THSD7B: variants seen among roughly 807,000 people sequenced by gnomAD.
THSD7B encodes thrombospondin type 1 domain containing 7B, also known as thrombospondin type-1 domain-containing protein 7B.
Under a neutral mutation model 213.6 loss-of-function variants are expected in THSD7B, and 138 were observed. The observed-to-expected ratio is 0.65, with a 90% CI of 0.56 to 0.74. The LOEUF (loss-of-function observed/expected upper bound fraction) is 0.74. Ranked by LOEUF, THSD7B falls within the 30% of genes least tolerant of loss-of-function variation. The pLI is 0.00. For synonymous variants in THSD7B, 742 were observed against 687.0 expected (o/e 1.08, Z -1.25); for missense variants, 1,931 against 1,991.5 (o/e 0.97, Z 0.58).
chr2:137,646,235 G>A (rs1229584580), intron 21 of THSD7B, among the ~76,000 whole-genome samples: 4 of 152,044 alleles, frequency 2.6e-5, no homozygotes, highest in African/African-American at 7.2e-5. Context: ...CGAGGGCTCC[G>A]CCCTCATGAA....
chr2:136,952,166 CA>C (rs1383148027), intron 2 of THSD7B, among the ~76,000 whole-genome samples: 2 of 149,548 alleles, frequency 1.3e-5, no homozygotes, highest in Non-Finnish European at 2.9e-5. Context: ...CACACCCAGC[CA>C]GTTTTTTTAT....
At chr2:137,232,825 C>T in intron 8 of THSD7B, 74 bp from the exon 9 acceptor site, 1 of 1,390,166 alleles carries the variant, frequency 7.2e-7, no homozygotes. Flanking sequence ...CTCTCTAGAC[C>T]ATTAAAGCAG....
intron 12 of THSD7B, among the ~76,000 whole-genome samples, chr2:137,325,115 T>G (rs1684340312): frequency 6.6e-6 from 1 of 152,262 alleles, no homozygotes; most frequent in Non-Finnish European, 1.5e-5. Context: ...CACAGGTTAA[T>G]AACTCATCTC....
At chr2:137,577,756 G>C (rs1006905022) in intron 17 of THSD7B, among the ~76,000 whole-genome samples, 1 of 152,000 alleles carries the variant, frequency 6.6e-6, no homozygotes, top group African/African-American at 2.4e-5. Context: ...AATGATTAAT[G>C]ACAACAACTA....
At chr2:137,047,745 A>G (rs529738293) in intron 2 of THSD7B, among the ~76,000 whole-genome samples, 1 of 152,316 alleles carries the variant, frequency 6.6e-6, no homozygotes, top group East Asian at 1.9e-4. Context: ...TCTCAAGATT[A>G]GCCTCTGGAA....
chr2:136,977,551 T>G lies in THSD7B; in HGVS notation c.140-78869T>G, dbSNP rs1471024919. On this transcript the variant is annotated intron_variant, in intron 2 of 27. Coordinates refer to ENST00000409968, the MANE Select transcript of THSD7B (RefSeq NM_001316349.2). ...TCTCTAGTTCTTTTAGTTGTGATGT[T>G]AAGGAGGTTGATTTGAGATCTTTCT... Among the ~76,000 whole-genome samples, 5 of 152,266 alleles carry G rather than the reference T, an allele frequency of 3.3e-5. No homozygotes were observed. In the East Asian group the frequency reaches 9.7e-4, roughly 29 times the overall value.
At chr2:137,043,613 AGCAGAG>A (rs1372363613) in intron 2 of THSD7B, among the ~76,000 whole-genome samples, 4 of 152,154 alleles carry the variant, frequency 2.6e-5, no homozygotes, top group Non-Finnish European at 5.9e-5. Flanking sequence ...GTGTGGCAGA[AGCAGAG>A]ACTCCTTACC....
intron 2 of THSD7B, among the ~76,000 whole-genome samples, chr2:137,033,873 G>T (rs1686722218): frequency 6.6e-6 from 1 of 151,978 alleles, no homozygotes; most frequent in South Asian, 2.1e-4. Flanking sequence ...CATGTGCCAT[G>T]CTGGCCTGCT....
chr2:137,301,221 A>G (rs1683593016), intron 12 of THSD7B, among the ~76,000 whole-genome samples: 1 of 151,984 alleles, frequency 6.6e-6, no homozygotes. Flanking sequence ...GCTGCTCCTG[A>G]GTTTCCCTTT....
chr2:137,642,231 C>A, intron 20 of THSD7B: 1 of 371,798 alleles, frequency 2.7e-6, no homozygotes, highest in East Asian at 5.0e-5. Flanking sequence ...GTCTACTTGG[C>A]AACAATAGAA....
At chr2:137,383,813 C>T (rs1394477249) in intron 12 of THSD7B, among the ~76,000 whole-genome samples, 1 of 152,184 alleles carries the variant, frequency 6.6e-6, no homozygotes, top group Admixed American at 6.5e-5. Context: ...TTCCAGCTCC[C>T]TGCCACTTGC....
chr2:137,090,907 C>T (rs1045310941), intron 3 of THSD7B, among the ~76,000 whole-genome samples: 6 of 152,100 alleles, frequency 3.9e-5, no homozygotes, highest in African/African-American at 7.2e-5. Context: ...AATAATATAT[C>T]GTGATGCAAA....
intron 2 of THSD7B, among the ~76,000 whole-genome samples, chr2:136,899,894 G>A (rs896759373): frequency 6.6e-6 from 1 of 152,160 alleles, no homozygotes; most frequent in African/African-American, 2.4e-5. Context: ...CAATAGTGCA[G>A]CCTGCTGCTC....
At chr2:137,199,424 A>G (rs9287469) in intron 7 of THSD7B, among the ~76,000 whole-genome samples, 126,846 of 152,120 alleles carry the variant, frequency 0.83, 53,829 homozygotes, top group Middle Eastern at 0.94. Context: ...TAATTAACAA[A>G]GTTTGGGATA....
chr2:137,055,570 C>G (rs887775023), intron 2 of THSD7B, among the ~76,000 whole-genome samples: 10 of 152,124 alleles, frequency 6.6e-5, no homozygotes, highest in African/African-American at 2.4e-4. Context: ...ATATGATAAA[C>G]GTCAATGGGC....
chr2:137,220,216 T>C (rs1026654343), intron 7 of THSD7B, among the ~76,000 whole-genome samples: 6 of 148,132 alleles, frequency 4.1e-5, no homozygotes, highest in African/African-American at 7.5e-5. Context: ...TAAAACTTTC[T>C]CTGCAGAAGA....
intron 15 of THSD7B, among the ~76,000 whole-genome samples, chr2:137,528,719 T>G (rs1210645440): frequency 6.6e-6 from 1 of 152,112 alleles, no homozygotes; most frequent in Non-Finnish European, 1.5e-5. Context: ...CAGTTTCATC[T>G]GAGGACAACT....
At chr2:136,809,672 A>C (rs1179489101) in intron 1 of THSD7B, among the ~76,000 whole-genome samples, 1 of 152,162 alleles carries the variant, frequency 6.6e-6, no homozygotes, top group Admixed American at 6.5e-5. Flanking sequence ...AAGTCTTACG[A>C]GGATTCTTAG....
chr2:137,400,083 A>G (rs555469426), intron 12 of THSD7B, among the ~76,000 whole-genome samples: 22 of 152,006 alleles, frequency 1.4e-4, no homozygotes, highest in African/African-American at 5.1e-4. Flanking sequence ...TAATTTTTTC[A>G]TTCATATCCT....
Sources: allele counts gnomAD v4.1 joint callset (sites outside exome capture counted in the v4.1 genomes callset), GRCh38; gene constraint gnomAD v4.1.1; transcripts MANE v1.5; gene names NCBI Gene and HGNC (gene_info 2026-07-23, HGNC 2026-07-21).